Variants in SLC39A10 observed in about 807,000 individuals in gnomAD.
SLC39A10 encodes the protein zinc transporter ZIP10.
In SLC39A10, 13 loss-of-function variants were observed where a neutral mutation model predicts 65.1. The ratio of observed to expected loss-of-function variants is 0.20; its 90% CI spans 0.13 to 0.32. The LOEUF is 0.32. SLC39A10 is among the 10% of genes least tolerant of loss of function. The pLI is 1.00. For missense variants in SLC39A10, 831 were observed against 1,018.4 expected, an observed-to-expected ratio of 0.82 and a Z score of 2.50; for synonymous variants, 321 against 342.2, an observed-to-expected ratio of 0.94 and a Z score of 0.68.
At position 195,708,842 on chromosome 2, in the gene SLC39A10, A is replaced by C; in HGVS notation, c.1573A>C (p.Arg525=). The C allele has an allele frequency of 6.3e-7, 1 of 1,589,736 alleles. No individual in the cohort carries two copies. The highest frequency in any genetic ancestry group is 8.5e-7 in the Non-Finnish European group (1 of 1,170,594). Residue 525 remains arginine, a splice_region_variant and synonymous_variant, in exon 5 of 10, where the codon AGA becomes CGA. Coordinates refer to ENST00000359634, the MANE Select transcript of SLC39A10 (RefSeq NM_020342.3). ...AATGTTTAAGCACTACAAACAACAA[A>C]GAGTAAGTATTTTTTATTTATTTAA... ...IRMFKHYKQQ[R]GKQKWFMKQN...
At chr2:195,690,344 ATCTC>A (rs377318068) in intron 3 of SLC39A10, among the ~76,000 whole-genome samples, 1 of 150,274 alleles carries the variant, frequency 6.7e-6, no homozygotes, top group African/African-American at 2.4e-5. Flanking sequence ...GAACATGGGC[ATCTC>A]TCTCTCTCTC....
intron 1 of SLC39A10, among the ~76,000 whole-genome samples, chr2:195,669,203 T>G (rs948321469): frequency 6.6e-6 from 1 of 152,228 alleles, no homozygotes; most frequent in African/African-American, 2.4e-5. Context: ...CTAAATTTAT[T>G]CACAATGTCT....
At chr2:195,674,715 C>T (rs1690014963) in intron 1 of SLC39A10, 1 of 908,904 alleles carries the variant, frequency 1.1e-6, no homozygotes, top group African/African-American at 1.8e-5. Context: ...GTGATTTTGT[C>T]ATTGTGTGAA....
chr2:195,614,985 A>G (rs527498257), intron 2 of SLC39A10, among the ~76,000 whole-genome samples: 27 of 152,260 alleles, frequency 1.8e-4, no homozygotes, highest in African/African-American at 6.3e-4. Flanking sequence ...TGGGAGGTCA[A>G]AGCTACAGTG....
At position 195,680,814 on chromosome 2, in the gene SLC39A10, G is replaced by C. The variant is rs772796882; in HGVS notation, c.772G>C (p.Gly258Arg). The change falls in exon 2 of 10, where the codon GGT (glycine) becomes CGT (arginine). Residue 258 changes from glycine to arginine, a missense_variant. Physicochemically the swap from Gly to Arg is moderately radical, Grantham distance 125 (BLOSUM62 -2). Transcript: ENST00000359634. ...AGGTTTTCCCCCTAACCATGATCAGGGTGAACAGTATGAGCATAATCGGGT... is the reference window on the plus strand; with the variant it reads ...AGGTTTTCCCCCTAACCATGATCAGCGTGAACAGTATGAGCATAATCGGGT... Reference protein sequence around the residue: ...TPGFPPNHDQGEQYEHNRVHK... With the variant: ...TPGFPPNHDQREQYEHNRVHK... 14 of 1,614,048 alleles carry C rather than the reference G, an allele frequency of 8.7e-6. No individual in the cohort carries two copies. Among genetic ancestry groups the C allele is most frequent in the Non-Finnish European group, 1.2e-5 (14 of 1,180,014 alleles).
chr2:195,643,423 A>G (rs1244540709), intron 2 of SLC39A10, among the ~76,000 whole-genome samples: 2 of 152,226 alleles, frequency 1.3e-5, no homozygotes, highest in African/African-American at 4.8e-5. Flanking sequence ...TTTCATTTCT[A>G]TTCTGTAGGT....
chr2:195,726,641 T>TA (rs1192594246), intron 8 of SLC39A10, among the ~76,000 whole-genome samples: 1 of 152,198 alleles, frequency 6.6e-6, no homozygotes, highest in Non-Finnish European at 1.5e-5. Flanking sequence ...CTTAGGTACA[T>TA]TATCTTAACT....
rs375223727 is a variant in SLC39A10, at chr2:195,631,060, G to C, written c.-12+24827G>C. Among the ~76,000 whole-genome samples the C allele has an allele frequency of 3.3e-5, 5 of 152,128 alleles. No individual in the cohort carries two copies. In the South Asian group the frequency reaches 8.3e-4, roughly 25 times the overall value. On this transcript the variant is annotated intron_variant, in intron 2 of 2. Coordinates refer to the SLC39A10 transcript ENST00000458054. ...AAAAATTAGCCAGGCACGGTGGCAG[G>C]CACCTGTAATTCCAGCTACTCAGGA... is the stretch of plus-strand genomic sequence containing the variant.
intron 1 of SLC39A10, chr2:195,658,089 G>A (rs894029482): frequency 5.9e-5 from 9 of 152,346 alleles, no homozygotes; most frequent in Non-Finnish European, 1.3e-4. Context: ...GGGCGCGGCA[G>A]GGGGATCGCG....
Position 195,728,197 on chromosome 2 carries a change from A to G in SLC39A10, c.2185A>G (p.Lys729Glu). 1 of 1,613,866 alleles carries G rather than the reference A, an allele frequency of 6.2e-7. No individual in the cohort carries two copies. The highest frequency in any genetic ancestry group is 8.5e-7 in the Non-Finnish European group (1 of 1,179,802). ...TCTTCTTAAAGCAGGCATGACTGTA[A>G]AGCAAGCAATTGTATACAACCTCCT... ...AVLLKAGMTV[K>E]QAIVYNLLSA... The change falls in exon 9 of 10, where the codon AAG (lysine) becomes GAG (glutamate). Residue 729 changes from lysine to glutamate, a missense_variant. Lys to Glu is a moderately conservative substitution (Grantham distance 56). Coordinates refer to ENST00000359634, the MANE Select transcript of SLC39A10 (RefSeq NM_020342.3). This position sits in a 1 kb window ranked among gnomAD's most constrained non-coding sequence, Gnocchi z 4.4.
At chr2:195,732,190 G>A (rs1244868774) in intron 9 of SLC39A10, among the ~76,000 whole-genome samples, 1 of 152,166 alleles carries the variant, frequency 6.6e-6, no homozygotes, top group Non-Finnish European at 1.5e-5. Flanking sequence ...AAACTTTGGA[G>A]AGCCATGAAA....
intron 8 of SLC39A10, among the ~76,000 whole-genome samples, chr2:195,726,187 A>G (rs1303840962): frequency 6.6e-6 from 1 of 152,200 alleles, no homozygotes; most frequent in Non-Finnish European, 1.5e-5. Flanking sequence ...CCATCTTGCT[A>G]TGGCAACAAA....
At chr2:195,700,045 T>A (rs1453048488) in intron 3 of SLC39A10, among the ~76,000 whole-genome samples, 2 of 152,198 alleles carry the variant, frequency 1.3e-5, no homozygotes, top group African/African-American at 4.8e-5. Flanking sequence ...ACCCCTGCTC[T>A]CTTTTGGTTA....
intron 6 of SLC39A10, among the ~76,000 whole-genome samples, chr2:195,716,284 G>A (rs1691804237): frequency 6.6e-6 from 1 of 152,136 alleles, no homozygotes; most frequent in African/African-American, 2.4e-5. Flanking sequence ...ATCCAAAGAT[G>A]AACTCTTTCC....
chr2:195,629,305 A>T (rs1224473378), intron 2 of SLC39A10, among the ~76,000 whole-genome samples: 1 of 151,710 alleles, frequency 6.6e-6, no homozygotes, highest in Non-Finnish European at 1.5e-5. Flanking sequence ...GAGGCAGGAG[A>T]ATCGCTTGAA....
rs186467648 is a variant in SLC39A10, at chr2:195,692,972, T to A, written c.1216+9066T>A. Among the ~76,000 whole-genome samples the A allele has an allele frequency of 2.2e-4, 33 of 152,316 alleles. No homozygotes were observed. In the East Asian group the frequency reaches 6.2e-3, roughly 28 times the overall value. ...ATATTAGCCGTGGGTTTGTCATAGA[T>A]GGCTTTTATTACCTTAAGGTATGTC... On this transcript the variant is annotated intron_variant, in intron 3 of 9. Transcript: ENST00000359634.
At chr2:195,731,481 C>T (rs563830794) in intron 9 of SLC39A10, among the ~76,000 whole-genome samples, 1 of 152,308 alleles carries the variant, frequency 6.6e-6, no homozygotes, top group South Asian at 2.1e-4. Flanking sequence ...GTCTTCCCCA[C>T]TAAGATGTCA....
intron 9 of SLC39A10, among the ~76,000 whole-genome samples, chr2:195,733,400 A>G (rs1464612175): frequency 2.0e-5 from 3 of 152,238 alleles, no homozygotes; most frequent in Non-Finnish European, 4.4e-5. Flanking sequence ...TAATGATGCA[A>G]ATGTATTTCT....
intron 6 of SLC39A10, among the ~76,000 whole-genome samples, chr2:195,714,908 AC>A (rs1264075050): frequency 6.6e-6 from 1 of 151,628 alleles, no homozygotes; most frequent in Non-Finnish European, 1.5e-5. Context: ...GCCCGCCATC[AC>A]GCCCGTCTAA....
Sources: allele counts gnomAD v4.1 joint callset (sites outside exome capture counted in the v4.1 genomes callset), GRCh38; gene constraint gnomAD v4.1.1; non-coding constraint Gnocchi (gnomAD v3.1); transcripts MANE v1.5; gene names NCBI Gene and HGNC (gene_info 2026-07-23, HGNC 2026-07-21).